The following TRIM37 variants were observed in gnomAD, a reference collection of about 807,000 sequenced individuals.
The protein encoded by TRIM37 is tripartite motif containing 37.
Under a neutral mutation model 129.8 loss-of-function variants are expected in TRIM37, and 80 were observed. That is an observed-to-expected ratio of 0.62 (90% CI 0.51 to 0.74). The LOEUF (loss-of-function observed/expected upper bound fraction) is 0.74, where lower values mean the gene tolerates loss of function less well. TRIM37 is among the 30% of genes least tolerant of loss of function. TRIM37 has a pLI of 0.00. For synonymous variants in TRIM37, 389 were observed against 387.1 expected (o/e 1.00, Z -0.06); for missense variants, 1,054 against 1,176.5 (o/e 0.90, Z 1.52).
downstream of TRIM37, chr17:58,981,195 T>C: frequency 1.7e-6 from 1 of 592,706 alleles, no homozygotes; most frequent in Non-Finnish European, 2.8e-6. Context: ...GTACAGTGTT[T>C]TCAATCTAAA....
At chr17:59,105,091 C>CA (rs35249068) in intron 1 of TRIM37, among the ~76,000 whole-genome samples, 77,250 of 122,460 alleles carry the variant, frequency 0.63, 23,091 homozygotes, top group African/African-American at 0.76. Flanking sequence ...GATTCTGTCT[C>CA]AAAAAAAAAA....
chr17:58,994,043 C>T (rs1439160659), downstream of TRIM37, among the ~76,000 whole-genome samples: 1 of 152,066 alleles, frequency 6.6e-6, no homozygotes, highest in Admixed American at 6.6e-5. Context: ...CCACAGGAGG[C>T]CAACGGTTCT....
chr17:59,062,787 A>T, intron 10 of TRIM37, 139 bp from the exon 11 acceptor site: 1 of 712,942 alleles, frequency 1.4e-6, no homozygotes, highest in East Asian at 2.7e-5. Context: ...ACAGGTCAAA[A>T]TTCCACTGTA....
chr17:59,033,593 T>C (rs557791179), intron 17 of TRIM37, among the ~76,000 whole-genome samples: 9 of 151,996 alleles, frequency 5.9e-5, no homozygotes, highest in African/African-American at 2.2e-4. Flanking sequence ...ACCACACCTG[T>C]ATTTTCAGTA....
At chr17:58,997,904 C>G (rs1372091260), downstream of TRIM37, among the ~76,000 whole-genome samples, 1 of 152,120 alleles carries the variant, frequency 6.6e-6, no homozygotes, top group Non-Finnish European at 1.5e-5. Context: ...TTCCCGACAT[C>G]ACCAAGGAAC....
the TRIM37 span, among the ~76,000 whole-genome samples, chr17:58,975,138 G>A: frequency 1.3e-5 from 2 of 152,166 alleles, no homozygotes; most frequent in African/African-American, 4.8e-5. Flanking sequence ...ACTATCTGTG[G>A]AACCAATTTA....
intron 13 of TRIM37, among the ~76,000 whole-genome samples, chr17:59,054,969 T>C (rs928720304): frequency 1.3e-5 from 2 of 151,958 alleles, no homozygotes; most frequent in Non-Finnish European, 2.9e-5. Flanking sequence ...CCTGGCTAAA[T>C]AGGGCTGTTG....
At chr17:59,097,664 G>A (rs2045036585) in intron 2 of TRIM37, among the ~76,000 whole-genome samples, 2 of 152,150 alleles carry the variant, frequency 1.3e-5, no homozygotes, top group South Asian at 4.1e-4. Context: ...AACCCAGGAA[G>A]TTGAGGCTGC....
At chr17:59,007,158 A>ACACACACAC (rs2034600895) in intron 22 of TRIM37, among the ~76,000 whole-genome samples, 2 of 8,332 alleles carry the variant, frequency 2.4e-4, no homozygotes, top group Non-Finnish European at 3.8e-4. Context: ...CCCACCCTCC[A>ACACACACAC]ACACACACAC....
At chr17:59,037,549 C>T (rs1328075391) in intron 17 of TRIM37, among the ~76,000 whole-genome samples, 1 of 96,348 alleles carries the variant, frequency 1.0e-5, no homozygotes, top group Non-Finnish European at 1.8e-5. Flanking sequence ...CAGAGCAAGA[C>T]TCTGTCTCAA....
intron 13 of TRIM37, among the ~76,000 whole-genome samples, chr17:59,053,983 A>G (rs144684007): frequency 6.6e-6 from 1 of 152,240 alleles, no homozygotes; most frequent in African/African-American, 2.4e-5. Flanking sequence ...TACACTGAAA[A>G]TCATATCCCT....
chr17:59,009,123 TTTTTC>T (rs971887714), intron 22 of TRIM37, among the ~76,000 whole-genome samples: 4 of 152,126 alleles, frequency 2.6e-5, no homozygotes, highest in African/African-American at 9.7e-5. Flanking sequence ...CAAGTTCTTT[TTTTTC>T]TTTTCTTCTT....
At chr17:59,072,322 C>T (rs1368379275) in intron 8 of TRIM37, among the ~76,000 whole-genome samples, 2 of 152,150 alleles carry the variant, frequency 1.3e-5, no homozygotes, top group South Asian at 4.1e-4. Flanking sequence ...TTTGTTATGA[C>T]AGGCCTAGCA....
In TRIM37 at chr17:59,031,832, A is replaced by G. The variant is rs2037877527; in HGVS notation, c.1948+64T>C. 8 of 1,535,582 alleles carry G rather than the reference A, an allele frequency of 5.2e-6. No homozygotes were observed. The South Asian group carries it at 7.9e-5, about 15-fold the overall frequency. On this transcript the variant is annotated intron_variant, in intron 18 of 23. Transcript: ENST00000262294. The stretch of plus-strand genomic sequence containing the variant: ...CACACATAGCTGAAATACTTAAATG[A>G]AAATCCAAGAGTTCTTTTAGAGAAC...
the TRIM37 span, among the ~76,000 whole-genome samples, chr17:58,968,207 T>C: frequency 6.6e-6 from 1 of 152,184 alleles, no homozygotes; most frequent in Non-Finnish European, 1.5e-5. Context: ...AACATTTTGG[T>C]TATTATTCTA....
At chr17:59,057,677 C>A (rs1008094567) in intron 12 of TRIM37, among the ~76,000 whole-genome samples, 1 of 152,150 alleles carries the variant, frequency 6.6e-6, no homozygotes, top group African/African-American at 2.4e-5. Flanking sequence ...TGCACACCAC[C>A]ATGCCCAGCT....
chr17:59,064,483 A>G (rs1385772365), intron 9 of TRIM37, 78 bp from the exon 10 acceptor site: 1 of 981,432 alleles, frequency 1.0e-6, no homozygotes, highest in African/African-American at 1.7e-5. Flanking sequence ...CAAGTCCCTC[A>G]CTAGTATCTT....
downstream of TRIM37, chr17:58,981,143 G>A (rs1324830073): frequency 2.8e-6 from 2 of 723,434 alleles, no homozygotes; most frequent in Non-Finnish European, 4.5e-6. Flanking sequence ...ATCCATGGAT[G>A]GCTCAATTCT....
intron 13 of TRIM37, among the ~76,000 whole-genome samples, chr17:59,056,204 C>A (rs570158717): frequency 3.4e-4 from 51 of 152,078 alleles, no homozygotes; most frequent in African/African-American, 1.1e-3. Flanking sequence ...CCCACCCACC[C>A]CCTTTTTTTT....
Sources: allele counts gnomAD v4.1 joint callset (sites outside exome capture counted in the v4.1 genomes callset), GRCh38; gene constraint gnomAD v4.1.1; transcripts MANE v1.5; gene names NCBI Gene and HGNC (gene_info 2026-07-23, HGNC 2026-07-21).